NLRP1: variants seen among roughly 807,000 people sequenced by gnomAD.
The protein encoded by NLRP1 is NACHT, LRR and PYD domains-containing protein 1.
NLRP1 carries 94 observed loss-of-function variants against 136.7 expected under a neutral mutation model. The ratio of observed to expected loss-of-function variants is 0.69; its 90% CI spans 0.58 to 0.82. The LOEUF is 0.82. Ranked by LOEUF, NLRP1 falls within the 40% of genes least tolerant of loss-of-function variation. The pLI, the probability that NLRP1 is intolerant of heterozygous loss-of-function variation, is 0.00. For missense variants in NLRP1, 1,575 were observed against 1,802.7 expected (o/e 0.87, Z 2.29); for synonymous variants, 690 against 725.1 (o/e 0.95, Z 0.78).
At chr17:5,540,729 T>A (rs945895420) in intron 6 of NLRP1, among the ~76,000 whole-genome samples, 1 of 152,194 alleles carries the variant, frequency 6.6e-6, no homozygotes, top group Non-Finnish European at 1.5e-5. Flanking sequence ...CGACCCCTGA[T>A]ACTAGGAGAG....
rs1054653405 is a variant in NLRP1 at position 5,553,325 on chromosome 17, A to T, written c.2528+61T>A. 7.6e-6 allele frequency: 11 copies of T among 1,456,770 alleles called. No homozygotes were observed. The African/African-American group carries it at 1.6e-4, about 21-fold the overall frequency. 90.2% of individuals were successfully genotyped at this position (1,456,770 alleles called of 1,614,324 possible). A position where few individuals can be genotyped will look rare whatever the true frequency, so the allele number is the denominator to read the frequency against. On this transcript the variant is annotated intron_variant, in intron 5 of 16. Coordinates refer to ENST00000572272, the MANE Select transcript of NLRP1 (RefSeq NM_033004.4). ...AAGACAAATCCCTCAGCCCAGACTC[A>T]GCTTCTGCCTTGGATCTCTTCCCCA...
rs151213275 is a variant in NLRP1 at position 5,520,930 on chromosome 17, C to T, written c.3866G>A (p.Arg1289His). The change falls in exon 14 of 17, where the codon CGT (arginine) becomes CAT (histidine). Residue 1289 changes from arginine (R) to histidine (H), a missense_variant. Arg to His is a conservative substitution (Grantham distance 29). Coordinates refer to ENST00000572272, the MANE Select transcript of NLRP1 (RefSeq NM_033004.4). ...PPLTPLYMGCRYTVSGSGSGM... is the reference protein window; with the variant it reads ...PPLTPLYMGCHYTVSGSGSGM... The stretch of plus-strand genomic sequence containing the variant: ...TGAACCAGACCCAGACACAGTGTAA[C>T]GACAGCCCATATAAAGTGGGGTCAG... The T allele has an allele frequency of 4.2e-5, 68 of 1,611,846 alleles. No homozygotes were observed. The highest frequency in any genetic ancestry group is 2.3e-4 in the Admixed American group (14 of 59,694).
rs2151770766 is a variant in NLRP1, at chr17:5,539,480, A to G, written c.2805T>C (p.Asp935=). ...KELDLQQNNL[D]DVGVRLLCEG... is the part of the protein sequence containing the mutation. The stretch of plus-strand genomic sequence containing the variant: ...CACAGAGCAGTCGCACGCCAACGTC[A>G]TCCAGGTTGTTCTGCTGCAGGTCTA... The change falls in exon 7 of 17, where the codon GAT becomes GAC. Residue 935 remains aspartate, a synonymous_variant. Coordinates refer to ENST00000572272, the MANE Select transcript of NLRP1 (RefSeq NM_033004.4). 6.2e-7 allele frequency: 1 copy of G among 1,614,176 alleles called. No homozygotes were observed. Among genetic ancestry groups the G allele is most frequent in the Non-Finnish European group, 8.5e-7 (1 of 1,180,026 alleles).
At chr17:5,563,704 G>A (rs1915010487) in intron 3 of NLRP1, among the ~76,000 whole-genome samples, 1 of 152,234 alleles carries the variant, frequency 6.6e-6, no homozygotes, top group African/African-American at 2.4e-5. Flanking sequence ...CGTATTTGAA[G>A]ATATTGTCCA....
At chr17:5,545,373 C>T (rs1245635121) in intron 5 of NLRP1, among the ~76,000 whole-genome samples, 1 of 151,136 alleles carries the variant, frequency 6.6e-6, no homozygotes, top group Non-Finnish European at 1.5e-5. Flanking sequence ...CCCACACAGA[C>T]ACAGACACCC....
intron 12 of NLRP1, among the ~76,000 whole-genome samples, chr17:5,526,062 C>T (rs1381619470): frequency 2.6e-5 from 4 of 151,584 alleles, no homozygotes; most frequent in Admixed American, 6.6e-5. Context: ...GTAGCCTTGA[C>T]CTTCCAGGCT....
chr17:5,553,561 G>A lies in NLRP1; in HGVS notation c.2358-5C>T, dbSNP rs199738200. 8 of 1,612,560 alleles carry A rather than the reference G, an allele frequency of 5.0e-6. No homozygotes were observed. The Admixed American group carries it at 5.0e-5, about 10-fold the overall frequency. ...GTGACTGGGACCCACCTGAACCTGA[G>A]GGGGAGAGAGAAGGACAGGAGAGAT... On this transcript the variant is annotated splice_region_variant and splice_polypyrimidine_tract_variant and intron_variant, in intron 4 of 16. Transcript: ENST00000572272.
At chr17:5,526,764 A>C (rs1937832039) in intron 12 of NLRP1, among the ~76,000 whole-genome samples, 1 of 152,134 alleles carries the variant, frequency 6.6e-6, no homozygotes, top group Admixed American at 6.5e-5. Context: ...TTGAATGAAG[A>C]GCTCCGCGCT....
chr17:5,530,948 C>T (rs1356321194), intron 11 of NLRP1, among the ~76,000 whole-genome samples: 1 of 152,196 alleles, frequency 6.6e-6, no homozygotes, highest in Non-Finnish European at 1.5e-5. Flanking sequence ...TAGCTCCCAT[C>T]TCCTAGTTAC....
rs1401666678 is a variant in NLRP1 at position 5,514,274 on chromosome 17, T to C, written c.*480A>G. ...TTCTAAAAGAGCTGTGATACTCCTTTATTTTCTGAATAAACTTCCTTCCAC... is the reference window on the plus strand; with the variant it reads ...TTCTAAAAGAGCTGTGATACTCCTTCATTTTCTGAATAAACTTCCTTCCAC... On this transcript the variant is annotated 3_prime_UTR_variant, in exon 17 of 17. Transcript: ENST00000572272. The C allele has an allele frequency of 2.7e-6, 1 of 371,802 alleles. No homozygotes were observed. The highest frequency in any genetic ancestry group is 5.9e-5 in the Admixed American group (1 of 16,922). The allele number at this position is 371,802 out of a possible 1,614,324, so 23.0% of individuals were successfully genotyped here.
In NLRP1 at chr17:5,583,454, T is replaced by C. The variant is rs1281766901; in HGVS notation, c.271+233A>G. On this transcript the variant is annotated intron_variant, in intron 1 of 16. Coordinates refer to ENST00000572272, the MANE Select transcript of NLRP1 (RefSeq NM_033004.4). This position sits in a 1 kb window ranked among gnomAD's most constrained non-coding sequence, Gnocchi z 4.5. ...TACAATGCCAGGCGAGTACCGGGAA[T>C]GCACTTGAATAGAAGAGGGTGTGGG... 1.3e-5 allele frequency among the ~76,000 whole-genome samples: 2 copies of C among 152,138 alleles called. No homozygotes were observed. The highest frequency in any genetic ancestry group is 4.8e-5 in the African/African-American group (2 of 41,418).
chr17:5,521,252 G>C lies in NLRP1; in HGVS notation c.3784-240C>G, dbSNP rs199476215. 6.6e-6 allele frequency among the ~76,000 whole-genome samples: 1 copy of C among 152,320 alleles called. No homozygotes were observed. The highest frequency in any genetic ancestry group is 2.4e-5 in the African/African-American group (1 of 41,578). On this transcript the variant is annotated intron_variant, in intron 13 of 16. Transcript: ENST00000572272. Reference sequence around the variant, plus strand: ...AGGAAAGGCTACAGTTTTAGGCATGGAGGACTCCAATCCTTTGATTCCTGG... The same window carrying C: ...AGGAAAGGCTACAGTTTTAGGCATGCAGGACTCCAATCCTTTGATTCCTGG...
Position 5,559,670 on chromosome 17 carries a change from T to C in NLRP1, c.1026A>G (p.Thr342=), listed in dbSNP as rs1307535025. Residue 342 remains threonine (T), a synonymous_variant, in exon 4 of 17, where the codon ACA becomes ACG. Coordinates refer to ENST00000572272, the MANE Select transcript of NLRP1 (RefSeq NM_033004.4). Reference sequence around the variant, plus strand: ...AGGCTTCCTTCACCTGCCTGGCCAGTGTTGACTTCCCAATTCCAGCAGCCC... The same window carrying C: ...AGGCTTCCTTCACCTGCCTGGCCAGCGTTGACTTCCCAATTCCAGCAGCCC... ...LQGAAGIGKS[T]LARQVKEAWG... is the part of the protein sequence containing the mutation. 13 of 1,614,084 alleles carry C rather than the reference T, an allele frequency of 8.1e-6. No homozygotes were observed. The highest frequency in any genetic ancestry group is 1.1e-5 in the Non-Finnish European group (13 of 1,180,040).
intron 12 of NLRP1, 116 bp downstream of exon 12, chr17:5,530,365 C>T (rs1910084553): frequency 1.2e-6 from 1 of 833,748 alleles, no homozygotes; most frequent in Non-Finnish European, 1.9e-6. Flanking sequence ...TCCATAACCC[C>T]CCCTCGGCCC....
chr17:5,541,881 G>A lies in NLRP1; in HGVS notation c.2675C>T (p.Pro892Leu), dbSNP rs761134494. ...AKHLCQRLRQ[P>L]SCKLQRLQLV... ...CTGCAGTCGCTGTAGCTTGCAGCTC[G>A]GCTGTCTCAGTCTCTGGCAAAGGTG... Residue 892 changes from proline (P) to leucine (L), a missense_variant, in exon 6 of 17, where the codon CCG becomes CTG. Physicochemically the swap from Pro to Leu is moderately conservative, Grantham distance 98. Transcript: ENST00000572272. This position sits in a 1 kb window ranked among gnomAD's most constrained non-coding sequence, Gnocchi z 4.2. 8 of 1,613,622 alleles carry A rather than the reference G, an allele frequency of 5.0e-6. No individual in the cohort carries two copies. Among genetic ancestry groups the A allele is most frequent in the South Asian group, 3.3e-5 (3 of 91,062 alleles).
chr17:5,551,542 C>T (rs1409284466), intron 5 of NLRP1, among the ~76,000 whole-genome samples: 1 of 152,180 alleles, frequency 6.6e-6, no homozygotes, highest in Non-Finnish European at 1.5e-5. Flanking sequence ...TGGTAAATAT[C>T]AAGGAATGCG....
At position 5,577,924 on chromosome 17, in the gene NLRP1, G is replaced by A. The variant is rs953744353; in HGVS notation, c.652+3935C>T. Among the ~76,000 whole-genome samples, 23 of 152,162 alleles carry A rather than the reference G, an allele frequency of 1.5e-4. No individual in the cohort carries two copies. The East Asian group carries it at 1.5e-3, about 10-fold the overall frequency. ...TACCAAAACAGAGATATAGACCAAT[G>A]GAACAGAACAGAGCCCTCAGAAATA... On this transcript the variant is annotated intron_variant, in intron 3 of 16. Coordinates refer to ENST00000572272, the MANE Select transcript of NLRP1 (RefSeq NM_033004.4).
chr17:5,514,370 A>G lies in NLRP1; in HGVS notation c.*384T>C. The G allele has an allele frequency of 1.9e-6, 2 of 1,073,928 alleles. No homozygotes were observed. Among genetic ancestry groups the G allele is most frequent in the Middle Eastern group, 8.9e-4 (2 of 2,248 alleles). The allele number at this position is 1,073,928 out of a possible 1,614,324, so 66.5% of individuals were successfully genotyped here. On this transcript the variant is annotated 3_prime_UTR_variant, in exon 17 of 17. Coordinates refer to ENST00000572272, the MANE Select transcript of NLRP1 (RefSeq NM_033004.4). Reference sequence around the variant, plus strand: ...AGAATCCACGTGGCCTCCCACGCTGAACCCCAATTTTGGGGCTCACCCTGT... The same window carrying G: ...AGAATCCACGTGGCCTCCCACGCTGGACCCCAATTTTGGGGCTCACCCTGT...
At chr17:5,536,828 G>A in intron 8 of NLRP1, 23 bp downstream of exon 8, 1 of 1,567,286 alleles carries the variant, frequency 6.4e-7, no homozygotes, top group Non-Finnish European at 8.8e-7. Flanking sequence ...GTCAGCCAGA[G>A]GGAGTTCTGG....
Sources: gnomAD v4.1 joint callset for allele counts (sites outside exome capture counted in the v4.1 genomes callset) on GRCh38, gnomAD v4.1.1 for gene constraint, Gnocchi (gnomAD v3.1) non-coding constraint, MANE v1.5 for transcripts, NCBI Gene and HGNC (gene_info 2026-07-23, HGNC 2026-07-21) for gene names.